SYNJ2: variants seen among roughly 807,000 people sequenced by gnomAD.
SYNJ2 encodes the protein polyphosphatidylinositol phosphatase SYNJ2.
A neutral mutation model predicts 141.3 loss-of-function variants in SYNJ2; 116 were observed. That is an observed-to-expected ratio of 0.82 (90% confidence interval 0.71 to 0.96). The LOEUF (loss-of-function observed/expected upper bound fraction) is 0.96. Ranked by LOEUF, SYNJ2 falls within the 40% of genes least tolerant of loss-of-function variation. SYNJ2 has a pLI of 0.00. For missense variants in SYNJ2, 1,873 were observed against 1,934.8 expected (o/e 0.97, Z 0.60); for synonymous variants, 745 against 777.7 (o/e 0.96, Z 0.70).
At position 158,064,512 on chromosome 6, in the gene SYNJ2, C is replaced by T. The variant is rs561759535; in HGVS notation, c.1210-89C>T. 87 of 1,514,742 alleles carry T rather than the reference C, an allele frequency of 5.7e-5. No homozygotes were observed. The East Asian group carries it at 1.8e-3, about 32-fold the overall frequency. The allele number at this position is 1,514,742 out of a possible 1,614,324, so 93.8% of individuals were successfully genotyped here. A position where few individuals can be genotyped will look rare whatever the true frequency, so the allele number is the denominator to read the frequency against. On this transcript the variant is annotated intron_variant, in intron 9 of 26. Transcript: ENST00000355585. ...AGTCTTCCAGGCACAGCGTAATCCA[C>T]AGGCTGCCGAATAAGGAACCTCCTG...
chr6:158,022,009 G>A (rs1778800324), intron 2 of SYNJ2, among the ~76,000 whole-genome samples: 1 of 152,166 alleles, frequency 6.6e-6, no homozygotes, highest in Non-Finnish European at 1.5e-5. Context: ...TCACTGCTGT[G>A]GCCGCCGCTG....
At chr6:158,052,953 A>T (rs1009585872) in intron 5 of SYNJ2, among the ~76,000 whole-genome samples, 2 of 152,238 alleles carry the variant, frequency 1.3e-5, no homozygotes, top group Admixed American at 1.3e-4. Flanking sequence ...CCTTGAGTCC[A>T]GCATCACATA....
Position 158,063,885 on chromosome 6 carries a change from C to T in SYNJ2, c.1209+13C>T, listed in dbSNP as rs189585624. ...CATCGCGCTCGAGGTGCGTCCCTGC[C>T]ACAGCCTTTTCGGCCATCTGTGCCA... On this transcript the variant is annotated intron_variant, in intron 9 of 26. Coordinates refer to ENST00000355585, the MANE Select transcript of SYNJ2 (RefSeq NM_003898.4). 3 of 1,613,182 alleles carry T rather than the reference C, an allele frequency of 1.9e-6. No individual in the cohort carries two copies. The Admixed American group carries it at 5.0e-5, about 27-fold the overall frequency.
chr6:157,995,235 ATCT>A (rs1410200745), intron 1 of SYNJ2, among the ~76,000 whole-genome samples: 1 of 152,210 alleles, frequency 6.6e-6, no homozygotes, highest in Non-Finnish European at 1.5e-5. Context: ...CTTGGGCAAC[ATCT>A]TCTCCTTTTA....
chr6:158,088,239 T>C (rs576221427), intron 23 of SYNJ2, among the ~76,000 whole-genome samples: 4 of 151,872 alleles, frequency 2.6e-5, no homozygotes, highest in Non-Finnish European at 5.9e-5. Flanking sequence ...TTTATTCATT[T>C]ATTTATTTAT....
chr6:158,050,003 G>A (rs1177412023), intron 5 of SYNJ2, among the ~76,000 whole-genome samples: 1 of 152,160 alleles, frequency 6.6e-6, no homozygotes, highest in Non-Finnish European at 1.5e-5. Context: ...CGGCTCTGCA[G>A]GTATGGACAC....
At chr6:158,010,168 C>T (rs1183615938) in intron 1 of SYNJ2, among the ~76,000 whole-genome samples, 1 of 152,136 alleles carries the variant, frequency 6.6e-6, no homozygotes, top group African/African-American at 2.4e-5. Context: ...AATCCTCCTG[C>T]CTTGGCCTCC....
intron 2 of SYNJ2, among the ~76,000 whole-genome samples, chr6:158,018,016 G>A (rs1367530247): frequency 6.6e-6 from 1 of 152,260 alleles, no homozygotes; most frequent in Non-Finnish European, 1.5e-5. Flanking sequence ...AGATGCCCGG[G>A]GGCACAGGGG....
chr6:158,090,045 C>T (rs758127491), intron 25 of SYNJ2, 98 bp downstream of exon 25: 3 of 761,462 alleles, frequency 3.9e-6, no homozygotes, highest in Non-Finnish European at 6.8e-6. Context: ...TCTTTTTATT[C>T]TTCTGGAGGC....
At chr6:157,992,006 TAGTA>T (rs1198023271) in intron 1 of SYNJ2, among the ~76,000 whole-genome samples, 1 of 152,190 alleles carries the variant, frequency 6.6e-6, no homozygotes, top group Non-Finnish European at 1.5e-5. Context: ...TGTGGGTACA[TAGTA>T]GGTATATATA....
At chr6:158,037,397 T>A (rs13362737) in intron 4 of SYNJ2, among the ~76,000 whole-genome samples, 1 of 122,070 alleles carries the variant, frequency 8.2e-6, no homozygotes, top group Non-Finnish European at 1.6e-5. Flanking sequence ...GTCCTCATCT[T>A]TTTTTTTTTT....
intron 2 of SYNJ2, chr6:158,026,906 C>G (rs1470627676): frequency 1.0e-6 from 1 of 985,310 alleles, no homozygotes; most frequent in Non-Finnish European, 1.2e-6. Context: ...CCCACCTATC[C>G]TACTTGAGAA....
intron 1 of SYNJ2, among the ~76,000 whole-genome samples, chr6:158,015,427 C>G (rs1778416651): frequency 6.6e-6 from 1 of 152,192 alleles, no homozygotes; most frequent in Non-Finnish European, 1.5e-5. Flanking sequence ...TCCTTAAGGG[C>G]TCTGTGCATA....
chr6:158,086,674 C>G (rs1398205120), intron 22 of SYNJ2, among the ~76,000 whole-genome samples, 181 bp from the exon 23 acceptor site: 6 of 152,222 alleles, frequency 3.9e-5, no homozygotes, highest in Non-Finnish European at 7.3e-5. Context: ...CAAGCAGGCA[C>G]TGGGTGCCCT....
At chr6:157,994,736 G>C (rs533029651) in intron 1 of SYNJ2, among the ~76,000 whole-genome samples, 1 of 152,342 alleles carries the variant, frequency 6.6e-6, no homozygotes, top group East Asian at 1.9e-4. Context: ...GCATTTTTGG[G>C]TGAGGCCTGA....
rs747527797 is a variant in SYNJ2, at chr6:158,028,879, A to G, written c.338A>G (p.Glu113Gly). ...TACCCTCTTCAGGAAGAGGCCAAGG[A>G]GGAGGAACGCCTCATAGCTTTGAAG... is the stretch of plus-strand genomic sequence containing the variant. ...DFYPLQEEAK[E>G]EERLIALKKI... The change falls in exon 3 of 27, where the codon GAG becomes GGG. Residue 113 changes from glutamate to glycine, a missense_variant. By Grantham distance (98) the Glu-to-Gly change is moderately conservative. Transcript: ENST00000355585. 3.1e-6 allele frequency: 5 copies of G among 1,614,218 alleles called. No homozygotes were observed. The South Asian group carries it at 5.5e-5, about 18-fold the overall frequency.
At chr6:157,993,955 C>T (rs1186196886) in intron 1 of SYNJ2, among the ~76,000 whole-genome samples, 1 of 151,276 alleles carries the variant, frequency 6.6e-6, no homozygotes, top group Non-Finnish European at 1.5e-5. Context: ...GCTGGGACTA[C>T]AGGCGCCCGC....
rs1181289370 is a variant in SYNJ2, at chr6:158,066,501, A to G, written c.1583A>G (p.Lys528Arg). Residue 528 changes from lysine to arginine, a missense_variant, in exon 12 of 27, where the codon AAG becomes AGG. Physicochemically the swap from Lys to Arg is conservative, Grantham distance 26 (BLOSUM62 2). Transcript: ENST00000355585. ...CGTCAGTCCGAATTCACAAATTTCA[A>G]GCGGATCCGGATTGCTATGGGGACC... ...TERQSEFTNFKRIRIAMGTWN... is the reference protein window; with the variant it reads ...TERQSEFTNFRRIRIAMGTWN... The G allele has an allele frequency of 2.5e-6, 4 of 1,614,170 alleles. No homozygotes were observed. The highest frequency in any genetic ancestry group is 3.4e-6 in the Non-Finnish European group (4 of 1,180,030).
In SYNJ2 at chr6:158,077,174, A is replaced by G. The variant is rs190619416; in HGVS notation, c.2449+392A>G. Among the ~76,000 whole-genome samples the G allele has an allele frequency of 1.6e-3, 243 of 152,092 alleles. 1 individual carries two copies. The highest frequency in any genetic ancestry group is 5.6e-3 in the African/African-American group (233 of 41,500). ...CATGCCCAGCTAATTTTGTATTTTT[A>G]GTAGAGACGGGGTTTCTCCATGTTG... On this transcript the variant is annotated intron_variant, in intron 17 of 26. Coordinates refer to ENST00000355585, the MANE Select transcript of SYNJ2 (RefSeq NM_003898.4).
Sources: allele counts gnomAD v4.1 joint callset (sites outside exome capture counted in the v4.1 genomes callset), GRCh38; gene constraint gnomAD v4.1.1; transcripts MANE v1.5; gene names NCBI Gene and HGNC (gene_info 2026-07-23, HGNC 2026-07-21).